The following LIPI variants were observed in gnomAD, a reference collection of about 807,000 sequenced individuals.
LIPI encodes the protein lipase member I.
LIPI carries 59 observed loss-of-function variants against 50.6 expected under a neutral mutation model. The observed-to-expected ratio is 1.16, with a 90% CI of 0.94 to 1.45. The LOEUF is 1.45. Ranked by LOEUF, LIPI falls within the 40% of genes most tolerant of loss-of-function variation. The pLI is 0.00. For synonymous variants in LIPI, 203 were observed against 178.2 expected (o/e 1.14, Z -1.11); for missense variants, 586 against 536.3 (o/e 1.09, Z -0.92).
chr21:14,163,355 A>G, intron 7 of LIPI, 64 bp downstream of exon 7: 1 of 785,124 alleles, frequency 1.3e-6, no homozygotes, highest in South Asian at 1.4e-5. Context: ...ACTTTGAATC[A>G]AATGTAGATT....
Position 14,137,520 on chromosome 21 carries a change from GGC to G in LIPI, c.1295+7101_1295+7102del, listed in dbSNP as rs553128088. Among the ~76,000 whole-genome samples the G allele has an allele frequency of 2.0e-3, 310 of 152,218 alleles. 1 individual carries two copies. Among genetic ancestry groups the G allele is most frequent in the Non-Finnish European group, 3.1e-3 (213 of 67,994 alleles). ...AGAAGAATTAGTGAACTTAAAGACA[GGC>G]TATTTGAAAATACAGTCAGAAGAGA... On this transcript the variant is annotated intron_variant, in intron 9 of 9. Transcript: ENST00000681601.
chr21:14,193,604 T>C (rs187368663), intron 1 of LIPI, among the ~76,000 whole-genome samples: 3 of 152,176 alleles, frequency 2.0e-5, no homozygotes, highest in Admixed American at 1.3e-4. Flanking sequence ...TGCACTAACA[T>C]CAAGCAAATT....
intron 3 of LIPI, 77 bp from the exon 4 acceptor site, chr21:14,181,936 C>G (rs2019286312): frequency 1.3e-6 from 1 of 765,208 alleles, no homozygotes. Flanking sequence ...ATTATTACTG[C>G]ATTATAAACA....
intron 9 of LIPI, among the ~76,000 whole-genome samples, chr21:14,121,660 G>T (rs2016866955): frequency 3.3e-5 from 5 of 152,116 alleles, no homozygotes. Context: ...GGGCCCTTAT[G>T]GGATGGCCCC....
At chr21:14,201,151 AAAAGCCCTG>A (rs1322223808) in intron 1 of LIPI, among the ~76,000 whole-genome samples, 1 of 152,152 alleles carries the variant, frequency 6.6e-6, no homozygotes, top group East Asian at 1.9e-4. Context: ...CCAACACTAC[AAAAGCCCTG>A]AAAGACAACT....
intron 1 of LIPI, among the ~76,000 whole-genome samples, chr21:14,194,199 C>T (rs2019769261): frequency 6.6e-6 from 1 of 152,080 alleles, no homozygotes; most frequent in African/African-American, 2.4e-5. Context: ...TTGTGCATTG[C>T]TGATGGGTTA....
chr21:14,191,841 G>A (rs1218166416), intron 1 of LIPI, among the ~76,000 whole-genome samples: 1 of 152,190 alleles, frequency 6.6e-6, no homozygotes, highest in Middle Eastern at 3.2e-3. Flanking sequence ...CCTAACCTCT[G>A]CTATCACCAC....
At chr21:14,167,563 C>G (rs947183599) in intron 4 of LIPI, among the ~76,000 whole-genome samples, 2 of 152,180 alleles carry the variant, frequency 1.3e-5, no homozygotes, top group African/African-American at 2.4e-5. Flanking sequence ...TCACGAAAAT[C>G]CACTGTTCTG....
At chr21:14,163,317 T>G in intron 7 of LIPI, 102 bp downstream of exon 7, 2 of 656,036 alleles carry the variant, frequency 3.0e-6, no homozygotes, top group Non-Finnish European at 5.5e-6. Flanking sequence ...TGAAAGAACA[T>G]GATGGAATTT....
At chr21:14,138,802 T>C (rs2017601117) in intron 9 of LIPI, among the ~76,000 whole-genome samples, 1 of 152,112 alleles carries the variant, frequency 6.6e-6, no homozygotes, top group African/African-American at 2.4e-5. Flanking sequence ...TAGAAATACA[T>C]ACGTGCATTT....
At chr21:14,128,344 A>T (rs1418757068) in intron 9 of LIPI, among the ~76,000 whole-genome samples, 3 of 152,082 alleles carry the variant, frequency 2.0e-5, no homozygotes, top group Non-Finnish European at 4.4e-5. Flanking sequence ...ATAACTAAAA[A>T]CAAAAGAAAA....
chr21:14,191,828 C>T (rs75113550), intron 1 of LIPI, among the ~76,000 whole-genome samples: 16,561 of 152,180 alleles, frequency 0.11, 1,021 homozygotes, highest in South Asian at 0.25. Context: ...TGGGCTTGGA[C>T]GTCCTAACCT....
At chr21:14,142,241 A>G (rs897570591) in intron 9 of LIPI, among the ~76,000 whole-genome samples, 18 of 152,094 alleles carry the variant, frequency 1.2e-4, no homozygotes, top group African/African-American at 4.1e-4. Flanking sequence ...GCAGCAAACC[A>G]CCATCGTACA....
At chr21:14,115,794 A>G (rs1222229914) in intron 9 of LIPI, among the ~76,000 whole-genome samples, 1 of 152,182 alleles carries the variant, frequency 6.6e-6, no homozygotes, top group East Asian at 1.9e-4. Context: ...AGCCTGTCCC[A>G]TAAGGACAGA....
At chr21:14,181,954 CA>C (rs2019287346) in intron 3 of LIPI, 95 bp from the exon 4 acceptor site, 1 of 731,342 alleles carries the variant, frequency 1.4e-6, no homozygotes, top group Admixed American at 2.0e-5. Flanking sequence ...ACATAAAAAG[CA>C]TTTATACTTT....
intron 7 of LIPI, among the ~76,000 whole-genome samples, chr21:14,159,423 A>AAAAAGCAT (rs2018386104): frequency 6.6e-6 from 1 of 151,636 alleles, no homozygotes; most frequent in Admixed American, 6.6e-5. Context: ...AATTATGCAT[A>AAAAAGCAT]AAAAGCATAT....
chr21:14,192,754 A>G (rs1239387147), intron 1 of LIPI, among the ~76,000 whole-genome samples: 1 of 152,126 alleles, frequency 6.6e-6, no homozygotes, highest in Non-Finnish European at 1.5e-5. Context: ...ATCCAACAAA[A>G]TTGTCCTTTA....
chr21:14,171,646 G>A (rs2018911989), intron 4 of LIPI, among the ~76,000 whole-genome samples: 1 of 151,120 alleles, frequency 6.6e-6, no homozygotes, highest in Non-Finnish European at 1.5e-5. Flanking sequence ...ATGGTGCTGG[G>A]AAAACTGGCT....
chr21:14,188,572 A>AG (rs2019537872), intron 2 of LIPI, among the ~76,000 whole-genome samples: 1 of 148,542 alleles, frequency 6.7e-6, no homozygotes. Context: ...TGTCTCAAAA[A>AG]AAAAAAAAAA....
Sources: allele counts gnomAD v4.1 joint callset (sites outside exome capture counted in the v4.1 genomes callset), GRCh38; gene constraint gnomAD v4.1.1; transcripts MANE v1.5; gene names NCBI Gene and HGNC (gene_info 2026-07-23, HGNC 2026-07-21).